Variants in XPO6 observed in about 807,000 individuals in gnomAD.
The protein encoded by XPO6 is exportin-6.
A neutral mutation model predicts 130.0 loss-of-function variants in XPO6; 3 were observed. That is an observed-to-expected ratio of 0.02 (90% CI 0.01 to 0.06). The LOEUF (loss-of-function observed/expected upper bound fraction) is 0.06. XPO6 is among the 10% of genes least tolerant of loss of function. The pLI, the probability that XPO6 is intolerant of heterozygous loss-of-function variation, is 1.00. For missense variants in XPO6, 970 were observed against 1,393.0 expected (o/e 0.70, Z 4.83); for synonymous variants, 524 against 548.9 (o/e 0.95, Z 0.63).
intron 21 of XPO6, 133 bp downstream of exon 21, chr16:28,104,413 A>G (rs1228816339): frequency 8.6e-7 from 1 of 1,168,496 alleles, no homozygotes; most frequent in African/African-American, 1.6e-5. Context: ...GCTCCAAGAA[A>G]TTAATTAACT....
intron 12 of XPO6, among the ~76,000 whole-genome samples, chr16:28,126,059 G>C (rs1348107655): frequency 6.6e-6 from 1 of 152,170 alleles, no homozygotes; most frequent in Non-Finnish European, 1.5e-5. Context: ...AGAGTCCAGG[G>C]ACAGAGACAG....
intron 1 of XPO6, among the ~76,000 whole-genome samples, chr16:28,188,631 T>C (rs1401626444): frequency 1.6e-5 from 2 of 124,488 alleles, no homozygotes; most frequent in South Asian, 2.5e-4. Context: ...GTCTAAACTC[T>C]CAGATCATCA....
At chr16:28,149,328 A>G (rs751037725) in intron 8 of XPO6, among the ~76,000 whole-genome samples, 2 of 152,224 alleles carry the variant, frequency 1.3e-5, no homozygotes, top group Non-Finnish European at 2.9e-5. Flanking sequence ...CGCTGGCGGC[A>G]GGGCATTTAC....
In XPO6 at chr16:28,166,584, A is replaced by G. The variant is rs1417710107; in HGVS notation, c.567T>C (p.Gly189=). ...GTTTGTCCCAGACAGTCTCCAAGAT[A>G]CCTACCAAGAAAGGAGAAACAGAGT... ...QVQTVLGLLT[G]ILETVWDKHS... The change falls in exon 6 of 24, where the codon GGT becomes GGC. Residue 189 remains glycine, a splice_region_variant and synonymous_variant. Coordinates refer to ENST00000304658, the MANE Select transcript of XPO6 (RefSeq NM_015171.4). The G allele has an allele frequency of 2.5e-6, 4 of 1,581,360 alleles. No individual in the cohort carries two copies. The highest frequency in any genetic ancestry group is 2.6e-6 in the Non-Finnish European group (3 of 1,161,838).
chr16:28,132,905 C>G lies in XPO6; in HGVS notation c.1537-502G>C, dbSNP rs2042701710. On this transcript the variant is annotated intron_variant, in intron 11 of 23. Coordinates refer to ENST00000304658, the MANE Select transcript of XPO6 (RefSeq NM_015171.4). The surrounding 1 kb of genome is among the most constrained non-coding windows in gnomAD (Gnocchi z 4.0). ...CAAGTAGCGGTCAGAACGTCATAAC[C>G]GGAGCTGCATCTTTCTTTCTCAAGC... Among the ~76,000 whole-genome samples the G allele has an allele frequency of 6.6e-6, 1 of 152,178 alleles. No homozygotes were observed. The highest frequency in any genetic ancestry group is 1.5e-5 in the Non-Finnish European group (1 of 68,042).
chr16:28,171,908 T>C (rs180817081), intron 4 of XPO6, among the ~76,000 whole-genome samples: 1 of 152,280 alleles, frequency 6.6e-6, no homozygotes, highest in East Asian at 1.9e-4. Flanking sequence ...CTCCTTTTCC[T>C]TTCTTTCTCC....
At chr16:28,153,598 T>G (rs1413932252) in intron 7 of XPO6, 1 of 985,320 alleles carries the variant, frequency 1.0e-6, no homozygotes, top group Non-Finnish European at 1.2e-6. Context: ...TCTCTGTTAT[T>G]AAATACACAG....
chr16:28,192,808 G>A (rs1441520497), intron 1 of XPO6, among the ~76,000 whole-genome samples: 1 of 152,098 alleles, frequency 6.6e-6, no homozygotes, highest in Non-Finnish European at 1.5e-5. Flanking sequence ...AAGAATGAGG[G>A]GACACAGGAA....
At chr16:28,147,758 C>A (rs1300176265) in intron 8 of XPO6, among the ~76,000 whole-genome samples, 1 of 152,176 alleles carries the variant, frequency 6.6e-6, no homozygotes, top group Non-Finnish European at 1.5e-5. Context: ...CCACCCTGGC[C>A]AACATGGTGT....
chr16:28,122,812 A>G (rs548444177), intron 13 of XPO6, among the ~76,000 whole-genome samples: 15 of 152,250 alleles, frequency 9.9e-5, no homozygotes, highest in Middle Eastern at 3.4e-3. Context: ...ACTGTCCACC[A>G]TAGAATCTAT....
At position 28,135,459 on chromosome 16, in the gene XPO6, A is replaced by C. The variant is rs938139839; in HGVS notation, c.1335-135T>G. ...AAGAGCATCGAAATTCCTGAGGCTGAGTTTATGGGTTGGTACGTGTGTGCG... is the reference window on the plus strand; with the variant it reads ...AAGAGCATCGAAATTCCTGAGGCTGCGTTTATGGGTTGGTACGTGTGTGCG... On this transcript the variant is annotated intron_variant, in intron 9 of 23. Coordinates refer to ENST00000304658, the MANE Select transcript of XPO6 (RefSeq NM_015171.4). 4.4e-6 allele frequency: 3 copies of C among 680,848 alleles called. No individual in the cohort carries two copies. In the African/African-American group the frequency reaches 5.4e-5, roughly 12 times the overall value. 42.2% of individuals were successfully genotyped at this position (680,848 alleles called of 1,614,324 possible).
rs527796471 is a variant in XPO6, at chr16:28,178,925, G to C, written c.95-1593C>G. On this transcript the variant is annotated intron_variant, in intron 2 of 23. Coordinates refer to ENST00000304658, the MANE Select transcript of XPO6 (RefSeq NM_015171.4). ...CTACTAAAAATACAAAAATTAGCTG[G>C]GCGTAGTGGCAAGTGCCTCTAGTCC... Among the ~76,000 whole-genome samples, 292 of 152,106 alleles carry C rather than the reference G, an allele frequency of 1.9e-3. 1 individual carries two copies. Among genetic ancestry groups the C allele is most frequent in the Non-Finnish European group, 3.5e-3 (241 of 67,988 alleles).
chr16:28,193,648 G>A (rs1203603790), intron 1 of XPO6, among the ~76,000 whole-genome samples: 1 of 152,156 alleles, frequency 6.6e-6, no homozygotes, highest in African/African-American at 2.4e-5. Context: ...CCTTTCTGGA[G>A]GGAGTCGGTG....
At position 28,163,270 on chromosome 16, in the gene XPO6, T is replaced by A. The variant is rs1490766109; in HGVS notation, c.643+3238A>T. On this transcript the variant is annotated intron_variant, in intron 6 of 23. Coordinates refer to ENST00000304658, the MANE Select transcript of XPO6 (RefSeq NM_015171.4). ...CAAGGAATACATGAAAAGATTTGCA[T>A]GAAGATATGCAATCTGTTAAGAGTT... 5.9e-5 allele frequency among the ~76,000 whole-genome samples: 9 copies of A among 152,346 alleles called. No individual in the cohort carries two copies. In the South Asian group the frequency reaches 1.7e-3, roughly 28 times the overall value.
chr16:28,193,640 T>G (rs1018891951), intron 1 of XPO6, among the ~76,000 whole-genome samples: 1 of 152,142 alleles, frequency 6.6e-6, no homozygotes, highest in Non-Finnish European at 1.5e-5. Context: ...AGATGGCGCC[T>G]TTCTGGAGGG....
At chr16:28,152,898 C>T (rs1251609812) in intron 7 of XPO6, 113 bp from the exon 8 acceptor site, 1 of 1,433,674 alleles carries the variant, frequency 7.0e-7, no homozygotes, top group East Asian at 2.8e-5. Flanking sequence ...AATATATTTT[C>T]TTTTAAAAAT....
At chr16:28,116,028 A>C (rs2087044821) in intron 15 of XPO6, among the ~76,000 whole-genome samples, 1 of 152,214 alleles carries the variant, frequency 6.6e-6, no homozygotes, top group Non-Finnish European at 1.5e-5. Flanking sequence ...AGCTTGGTCT[A>C]TCCAAACCAC....
At chr16:28,104,809 C>T (rs2086736334) in intron 20 of XPO6, 102 bp from the exon 21 acceptor site, 26 of 1,309,292 alleles carry the variant, frequency 2.0e-5, no homozygotes, top group Non-Finnish European at 2.2e-5. Context: ...GACAGCAAGC[C>T]GAGTGTCAAC....
chr16:28,192,912 G>A (rs1440388347), intron 1 of XPO6, among the ~76,000 whole-genome samples: 1 of 152,148 alleles, frequency 6.6e-6, no homozygotes, highest in East Asian at 1.9e-4. Context: ...GCCAAGCATG[G>A]CAGGCAGAGA....
Sources: gnomAD v4.1 joint callset for allele counts (sites outside exome capture counted in the v4.1 genomes callset) on GRCh38, gnomAD v4.1.1 for gene constraint, Gnocchi (gnomAD v3.1) non-coding constraint, MANE v1.5 for transcripts, NCBI Gene and HGNC (gene_info 2026-07-23, HGNC 2026-07-21) for gene names.